Variants in CTNNA2 observed in about 807,000 individuals in gnomAD.
CTNNA2 encodes catenin alpha 2.
In CTNNA2, 42 loss-of-function variants were observed where a neutral mutation model predicts 101.0. The observed-to-expected ratio is 0.42, with a 90% CI of 0.32 to 0.54. The LOEUF (loss-of-function observed/expected upper bound fraction) is 0.54. Ranked by LOEUF, CTNNA2 falls within the 20% of genes least tolerant of loss-of-function variation. CTNNA2 has a pLI of 0.14. For synonymous variants in CTNNA2, 450 were observed against 456.4 expected (o/e 0.99, Z 0.18); for missense variants, 871 against 1,223.1 (o/e 0.71, Z 4.29).
At chr2:79,891,923 ATATTCTTTAAT>A (rs1684333609) in intron 6 of CTNNA2, among the ~76,000 whole-genome samples, 1 of 152,096 alleles carries the variant, frequency 6.6e-6, no homozygotes, top group Non-Finnish European at 1.5e-5. Context: ...TTTTCCATGA[ATATTCTTTAAT>A]AAAAAATATG....
chr2:80,393,823 A>C (rs2149367998), intron 8 of CTNNA2, among the ~76,000 whole-genome samples: 1 of 152,310 alleles, frequency 6.6e-6, no homozygotes, highest in Admixed American at 6.5e-5. Context: ...TGACATCATT[A>C]GTTTGATGGG....
chr2:79,273,550 T>C (rs1392977433), intron 2 of CTNNA2, among the ~76,000 whole-genome samples: 1 of 152,078 alleles, frequency 6.6e-6, no homozygotes, highest in Non-Finnish European at 1.5e-5. Context: ...TGTCCAATCC[T>C]AGAAAACATA....
chr2:80,094,904 G>T (rs1700046804), intron 7 of CTNNA2, among the ~76,000 whole-genome samples: 2 of 152,108 alleles, frequency 1.3e-5, no homozygotes, highest in South Asian at 4.1e-4. Context: ...GAGATTTTGG[G>T]TGAGACAATG....
chr2:79,196,792 T>C (rs1191788331), intron 1 of CTNNA2, among the ~76,000 whole-genome samples: 2 of 152,242 alleles, frequency 1.3e-5, no homozygotes, highest in Non-Finnish European at 2.9e-5. Context: ...CAGGGAAGAC[T>C]TGCAAAGTTT....
chr2:79,857,965 C>T, intron 3 of CTNNA2, 48 bp from the exon 4 acceptor site: 2 of 1,579,250 alleles, frequency 1.3e-6, no homozygotes, highest in Non-Finnish European at 1.7e-6. Context: ...GATGGCCAGT[C>T]TCTAAGCCTC....
intron 7 of CTNNA2, among the ~76,000 whole-genome samples, chr2:80,308,948 G>A (rs1170437481): frequency 1.3e-5 from 2 of 151,992 alleles, no homozygotes; most frequent in Non-Finnish European, 2.9e-5. Context: ...AATTAGCCAG[G>A]CGTGGTGGTG....
intron 6 of CTNNA2, among the ~76,000 whole-genome samples, chr2:79,880,649 G>C (rs1462514640): frequency 6.6e-6 from 1 of 152,028 alleles, no homozygotes; most frequent in Admixed American, 6.6e-5. Flanking sequence ...TATTTCTGTG[G>C]GGTCAATGGT....
At chr2:79,750,446 C>A (rs1671944860) in intron 3 of CTNNA2, among the ~76,000 whole-genome samples, 1 of 152,336 alleles carries the variant, frequency 6.6e-6, no homozygotes, top group South Asian at 2.1e-4. Flanking sequence ...TAATCCCTTT[C>A]TTGCTTATCA....
chr2:80,545,123 C>T lies in CTNNA2; in HGVS notation c.1383+49C>T, dbSNP rs764929268. On this transcript the variant is annotated intron_variant, in intron 10 of 18. Coordinates refer to ENST00000402739, the MANE Select transcript of CTNNA2 (RefSeq NM_001282597.3). ...AAAAGCCTGTCAGTGACCTTCTCCA[C>T]TCCAGCCCTTGTGCCCCTCCTTTTC... 51 of 1,565,662 alleles carry T rather than the reference C, an allele frequency of 3.3e-5. No homozygotes were observed. The Admixed American group carries it at 7.7e-4, about 24-fold the overall frequency.
At chr2:80,110,127 G>A (rs979570751) in intron 7 of CTNNA2, among the ~76,000 whole-genome samples, 5 of 152,066 alleles carry the variant, frequency 3.3e-5, no homozygotes, top group Non-Finnish European at 7.3e-5. Context: ...TGCACACGAC[G>A]GTGCCATATT....
intron 3 of CTNNA2, among the ~76,000 whole-genome samples, chr2:79,363,990 G>A (rs577254621): frequency 5.9e-5 from 9 of 152,176 alleles, no homozygotes; most frequent in Admixed American, 5.2e-4. Flanking sequence ...AATCCTTAAT[G>A]TGACTTTGAG....
chr2:80,538,880 T>G (rs1284207440), intron 9 of CTNNA2, among the ~76,000 whole-genome samples: 1 of 152,214 alleles, frequency 6.6e-6, no homozygotes, highest in African/African-American at 2.4e-5. Flanking sequence ...TTCCATTTGT[T>G]TGTGTTCTCT....
intron 18 of CTNNA2, among the ~76,000 whole-genome samples, chr2:80,628,486 CTATT>C (rs1176880073): frequency 6.6e-6 from 1 of 151,048 alleles, no homozygotes; most frequent in African/African-American, 2.4e-5. Context: ...TTTCCCAACA[CTATT>C]TATTAATAAA....
intron 2 of CTNNA2, among the ~76,000 whole-genome samples, chr2:79,216,182 A>G (rs1325057042): frequency 6.6e-6 from 1 of 152,204 alleles, no homozygotes; most frequent in Non-Finnish European, 1.5e-5. Context: ...ATTGGGGTCA[A>G]GCGGCATTGT....
chr2:80,528,149 T>G (rs1194636753), intron 9 of CTNNA2, among the ~76,000 whole-genome samples: 1 of 152,202 alleles, frequency 6.6e-6, no homozygotes, highest in Non-Finnish European at 1.5e-5. Flanking sequence ...AGAGTTTGTT[T>G]GGAATAGATC....
chr2:79,981,077 A>C (rs1291495372), intron 7 of CTNNA2, among the ~76,000 whole-genome samples: 1 of 152,026 alleles, frequency 6.6e-6, no homozygotes, highest in African/African-American at 2.4e-5. Context: ...ATGTTTTGTC[A>C]TTTTCCACTG....
At chr2:79,830,387 G>T (rs1264229186) in intron 3 of CTNNA2, among the ~76,000 whole-genome samples, 1 of 152,180 alleles carries the variant, frequency 6.6e-6, no homozygotes, top group Admixed American at 6.5e-5. Context: ...CATCTGCTCC[G>T]CAGTGGGAGA....
At chr2:79,582,775 A>G (rs918172063) in intron 1 of CTNNA2, among the ~76,000 whole-genome samples, 1 of 152,142 alleles carries the variant, frequency 6.6e-6, no homozygotes, top group Non-Finnish European at 1.5e-5. Flanking sequence ...AACATTCAGT[A>G]AAATGTATTT....
intron 3 of CTNNA2, among the ~76,000 whole-genome samples, chr2:79,819,640 G>T (rs545973604): frequency 3.3e-5 from 5 of 152,270 alleles, no homozygotes; most frequent in African/African-American, 1.2e-4. Context: ...AGGCTAGAAG[G>T]GTAGTGGGGA....
Sources: allele counts gnomAD v4.1 joint callset (sites outside exome capture counted in the v4.1 genomes callset), GRCh38; gene constraint gnomAD v4.1.1; transcripts MANE v1.5; gene names NCBI Gene and HGNC (gene_info 2026-07-23, HGNC 2026-07-21).